Variants in MACROD2 observed in about 807,000 individuals in gnomAD.
The protein encoded by MACROD2 is mono-ADP ribosylhydrolase 2.
A neutral mutation model predicts 70.4 loss-of-function variants in MACROD2; 36 were observed. That is an observed-to-expected ratio of 0.51 (90% CI 0.39 to 0.68). The LOEUF (loss-of-function observed/expected upper bound fraction) is 0.68, where lower values mean the gene tolerates loss of function less well. Ranked by LOEUF, MACROD2 falls within the 30% of genes least tolerant of loss-of-function variation. The pLI is 0.00. For missense variants in MACROD2, 496 were observed against 538.4 expected (o/e 0.92, Z 0.78); for synonymous variants, 172 against 178.8 (o/e 0.96, Z 0.30).
At chr20:14,841,922 A>AT (rs544132161) in intron 5 of MACROD2, among the ~76,000 whole-genome samples, 44 of 152,154 alleles carry the variant, frequency 2.9e-4, no homozygotes, top group Admixed American at 9.8e-4. Flanking sequence ...ACATTAAGAC[A>AT]TTCTTAGTGA....
chr20:14,776,762 A>C (rs1440476936), intron 5 of MACROD2, among the ~76,000 whole-genome samples: 1 of 151,906 alleles, frequency 6.6e-6, no homozygotes, highest in East Asian at 1.9e-4. Flanking sequence ...TGCTTGATGA[A>C]ATTTTACCAG....
chr20:14,438,181 G>T (rs565424241), intron 3 of MACROD2, among the ~76,000 whole-genome samples: 1 of 151,914 alleles, frequency 6.6e-6, no homozygotes, highest in Non-Finnish European at 1.5e-5. Context: ...TTCTTTCTGT[G>T]TCTGGCTTAT....
intron 6 of MACROD2, among the ~76,000 whole-genome samples, chr20:15,431,087 T>C (rs1421536461): frequency 6.6e-6 from 1 of 152,042 alleles, no homozygotes; most frequent in Non-Finnish European, 1.5e-5. Context: ...GTTCTGACTA[T>C]TGGTTATCTG....
At chr20:15,348,645 G>A (rs967620195) in intron 6 of MACROD2, among the ~76,000 whole-genome samples, 3 of 152,110 alleles carry the variant, frequency 2.0e-5, no homozygotes, top group Non-Finnish European at 4.4e-5. Context: ...AGGCAAAGGA[G>A]GAGCAAAATC....
chr20:15,009,346 A>G (rs964944663), intron 5 of MACROD2, among the ~76,000 whole-genome samples: 4 of 152,118 alleles, frequency 2.6e-5, no homozygotes, highest in African/African-American at 9.7e-5. Flanking sequence ...ACATTATATA[A>G]GATTTATAAA....
chr20:14,013,966 C>T (rs2052951647), intron 2 of MACROD2, among the ~76,000 whole-genome samples: 1 of 152,074 alleles, frequency 6.6e-6, no homozygotes, highest in African/African-American at 2.4e-5. Context: ...ATTGTAAAAA[C>T]AAAACCCCCA....
chr20:15,536,752 G>C (rs1002106525), intron 8 of MACROD2, among the ~76,000 whole-genome samples: 2 of 152,142 alleles, frequency 1.3e-5, no homozygotes, highest in African/African-American at 4.8e-5. Flanking sequence ...TGCGTTTCTG[G>C]TGGTTCTGAG....
intron 5 of MACROD2, among the ~76,000 whole-genome samples, chr20:15,149,724 T>C (rs528873749): frequency 6.6e-6 from 1 of 152,182 alleles, no homozygotes; most frequent in South Asian, 2.1e-4. Context: ...ATGGCCAGCC[T>C]AAAACAGTAA....
intron 3 of MACROD2, chr20:14,327,531 A>G (rs1420098480): frequency 1.9e-6 from 3 of 1,580,904 alleles, no homozygotes; most frequent in Non-Finnish European, 1.7e-6. Context: ...AGGTCTTTAT[A>G]CAAGGTAGCT....
chr20:14,284,493 C>A (rs1294333202), intron 3 of MACROD2, among the ~76,000 whole-genome samples: 1 of 152,140 alleles, frequency 6.6e-6, no homozygotes, highest in East Asian at 1.9e-4. Context: ...GAAAACTCAG[C>A]ATGTGGATTT....
At chr20:14,050,164 A>G (rs1266949229) in intron 2 of MACROD2, among the ~76,000 whole-genome samples, 1 of 151,892 alleles carries the variant, frequency 6.6e-6, no homozygotes, top group Admixed American at 6.6e-5. Context: ...TTCATACTGA[A>G]TGATCAGCAG....
At chr20:14,434,710 C>T (rs2084036674) in intron 3 of MACROD2, among the ~76,000 whole-genome samples, 1 of 152,128 alleles carries the variant, frequency 6.6e-6, no homozygotes, top group Non-Finnish European at 1.5e-5. Context: ...AAATAACTCT[C>T]TTGACTCTAT....
At chr20:14,487,767 C>T (rs893985706) in intron 3 of MACROD2, among the ~76,000 whole-genome samples, 2 of 152,150 alleles carry the variant, frequency 1.3e-5, no homozygotes, top group African/African-American at 4.8e-5. Context: ...TTTCCACTAG[C>T]CCCAAGTCCT....
intron 5 of MACROD2, among the ~76,000 whole-genome samples, chr20:15,072,802 A>T (rs774445723): frequency 2.0e-5 from 3 of 152,186 alleles, no homozygotes; most frequent in Non-Finnish European, 4.4e-5. Flanking sequence ...TAAATCAAAT[A>T]GTAAACCCCA....
At chr20:15,544,209 G>T (rs1020112405) in intron 8 of MACROD2, among the ~76,000 whole-genome samples, 23 of 152,156 alleles carry the variant, frequency 1.5e-4, no homozygotes, top group African/African-American at 5.6e-4. Context: ...TTGATTCTTT[G>T]CCTGGAGTCG....
intron 5 of MACROD2, among the ~76,000 whole-genome samples, chr20:14,979,156 C>T (rs1430947538): frequency 6.6e-6 from 1 of 150,462 alleles, no homozygotes; most frequent in Non-Finnish European, 1.5e-5. Context: ...GACAGGGTCT[C>T]ACTGTGTTTC....
At chr20:14,964,053 TTTTTTTTTCTTCTCTGTATAAGGTGA>T (rs1351383474) in intron 5 of MACROD2, among the ~76,000 whole-genome samples, 6 of 146,434 alleles carry the variant, frequency 4.1e-5, no homozygotes, top group Non-Finnish European at 8.9e-5. Flanking sequence ...TTTTTCTGTG[TTTTTTTTTCTTCTCTGTATAAGGTGA>T]TTTTTTTTCT....
At chr20:15,100,715 G>A (rs906369567) in intron 5 of MACROD2, among the ~76,000 whole-genome samples, 4 of 152,178 alleles carry the variant, frequency 2.6e-5, no homozygotes, top group African/African-American at 9.6e-5. Context: ...CTTTCAAAGA[G>A]TTGATCTGCC....
Position 15,602,633 on chromosome 20 carries a change from A to G in MACROD2, c.645+102786A>G, listed in dbSNP as rs1040024889. 5.9e-5 allele frequency among the ~76,000 whole-genome samples: 9 copies of G among 152,320 alleles called. No homozygotes were observed. The East Asian group carries it at 1.7e-3, about 29-fold the overall frequency. On this transcript the variant is annotated intron_variant, in intron 8 of 17. Transcript: ENST00000684519. The stretch of plus-strand genomic sequence containing the variant: ...AATAATACTCTTTCCCTCCAAAAAC[A>G]TCATACAAATTGTTCGTAGTTTTAT...
Sources: gnomAD v4.1 joint callset for allele counts (sites outside exome capture counted in the v4.1 genomes callset) on GRCh38, gnomAD v4.1.1 for gene constraint, MANE v1.5 for transcripts, NCBI Gene and HGNC (gene_info 2026-07-23, HGNC 2026-07-21) for gene names.